The following WDR19 variants were observed in gnomAD, a reference collection of about 807,000 sequenced individuals.
The protein encoded by WDR19 is WD repeat-containing protein 19.
In WDR19, 121 loss-of-function variants were observed where a neutral mutation model predicts 180.0. That is an observed-to-expected ratio of 0.67 (90% CI 0.58 to 0.78). The LOEUF is 0.78. WDR19 is among the 30% of genes least tolerant of loss of function. WDR19 has a pLI of 0.00. For missense variants in WDR19, 1,450 were observed against 1,640.7 expected (o/e 0.88, Z 2.01); for synonymous variants, 497 against 540.7 (o/e 0.92, Z 1.12).
At chr4:39,194,731 T>C (rs1726540783) in intron 5 of WDR19, 72 bp downstream of exon 5, 2 of 1,215,402 alleles carry the variant, frequency 1.6e-6, no homozygotes, top group Non-Finnish European at 2.4e-6. Context: ...CCGCCTCAGG[T>C]TTCCCTGATC....
Position 39,257,650 on chromosome 4 carries a change from A to G in WDR19, c.3183+96A>G, listed in dbSNP as rs922759224. 5.4e-6 allele frequency: 6 copies of G among 1,112,944 alleles called. No homozygotes were observed. The South Asian group carries it at 5.7e-5, about 11-fold the overall frequency. 68.9% of individuals were successfully genotyped at this position (1,112,944 alleles called of 1,614,324 possible). ...TATATGCAGAAGTAGACCAAACAGT[A>G]TTACAAACCCCTACATACCTATCGT... is the stretch of plus-strand genomic sequence containing the variant. On this transcript the variant is annotated intron_variant, in intron 28 of 36. Transcript: ENST00000399820.
intron 14 of WDR19, 173 bp downstream of exon 14, chr4:39,218,278 T>C: frequency 1.2e-6 from 1 of 866,950 alleles, no homozygotes. Context: ...TGGGGATACA[T>C]TCTGAGAAAC....
chr4:39,232,099 TAAAA>T, intron 18 of WDR19, 59 bp from the exon 19 acceptor site: 3 of 1,299,634 alleles, frequency 2.3e-6, no homozygotes, highest in East Asian at 2.5e-5. Context: ...TCAAAGTCCT[TAAAA>T]AAAAAAAAAA....
At chr4:39,224,061 G>A (rs566401550) in intron 14 of WDR19, among the ~76,000 whole-genome samples, 1 of 152,250 alleles carries the variant, frequency 6.6e-6, no homozygotes, top group Non-Finnish European at 1.5e-5. Context: ...GGCATGTTAT[G>A]TTTAAGTTTA....
intron 17 of WDR19, among the ~76,000 whole-genome samples, chr4:39,231,315 CAAA>C (rs56002679): frequency 0.42 from 35,916 of 86,078 alleles, 4,379 homozygotes; most frequent in African/African-American, 0.44. Context: ...ACTCCGTCTT[CAAA>C]AAAAAAAAAA....
chr4:39,188,132 T>C (rs34070258), intron 3 of WDR19, among the ~76,000 whole-genome samples: 67,732 of 151,894 alleles, frequency 0.45, 18,510 homozygotes, highest in East Asian at 0.62. Context: ...AATTGTAAAG[T>C]TTTTTATAAT....
At chr4:39,251,455 G>A (rs1217419025) in intron 24 of WDR19, among the ~76,000 whole-genome samples, 3 of 151,320 alleles carry the variant, frequency 2.0e-5, no homozygotes, top group African/African-American at 7.3e-5. Flanking sequence ...GCATGGGCAA[G>A]GACTTCATGT....
intron 23 of WDR19, 34 bp downstream of exon 23, chr4:39,244,586 A>C (rs770518126): frequency 6.2e-7 from 1 of 1,612,918 alleles, no homozygotes; most frequent in Admixed American, 1.7e-5. Context: ...TCTGAACAGG[A>C]TTGGAAATGA....
At chr4:39,205,314 C>T in intron 8 of WDR19, 48 bp downstream of exon 8, 1 of 1,450,548 alleles carries the variant, frequency 6.9e-7, no homozygotes, top group South Asian at 1.3e-5. Context: ...TACAGAAGGA[C>T]ATCTGTAGGT....
intron 6 of WDR19, among the ~76,000 whole-genome samples, chr4:39,203,112 C>CTT (rs553565048): frequency 1.3e-4 from 17 of 135,652 alleles, no homozygotes; most frequent in African/African-American, 2.2e-4. Context: ...CTTTTTCTTT[C>CTT]TTTTTTTTTT....
In WDR19 at chr4:39,205,588, G is replaced by T; in HGVS notation, c.742G>T (p.Gly248Cys). 1 of 1,613,276 alleles carries T rather than the reference G, an allele frequency of 6.2e-7. No homozygotes were observed. Among genetic ancestry groups the T allele is most frequent in the Non-Finnish European group, 8.5e-7 (1 of 1,179,628 alleles). Residue 248 changes from glycine to cysteine, a missense_variant, in exon 9 of 37, where the codon GGT (glycine) becomes TGT (cysteine). Transcript: ENST00000399820. ...NWYGDGRIMI[G>C]FSCGHFVVIS... Reference sequence around the variant, plus strand: ...GTATGGTGATGGCCGCATCATGATTGGTTTTTCATGTGGACATTTTGTGGT... The same window carrying T: ...GTATGGTGATGGCCGCATCATGATTTGTTTTTCATGTGGACATTTTGTGGT...
chr4:39,268,225 T>C (rs1735003355), intron 30 of WDR19, 134 bp downstream of exon 30: 11 of 656,192 alleles, frequency 1.7e-5, no homozygotes, highest in Non-Finnish European at 2.7e-5. Context: ...ACTAAAGAGA[T>C]GACCATTTCT....
intron 20 of WDR19, among the ~76,000 whole-genome samples, chr4:39,238,147 T>C (rs375617551): frequency 6.6e-6 from 1 of 152,330 alleles, no homozygotes; most frequent in East Asian, 1.9e-4. Context: ...TTCCTTGTGA[T>C]AATAGGAACT....
chr4:39,216,725 T>C (rs1729107697), intron 12 of WDR19, among the ~76,000 whole-genome samples: 1 of 152,200 alleles, frequency 6.6e-6, no homozygotes, highest in Non-Finnish European at 1.5e-5. Flanking sequence ...AAACCTTGTT[T>C]TGTTTTTTCT....
At position 39,191,847 on chromosome 4, in the gene WDR19, T is replaced by G. The variant is rs141997981; in HGVS notation, c.290+2066T>G. 7.3e-3 allele frequency among the ~76,000 whole-genome samples: 1,105 copies of G among 152,340 alleles called. 6 individuals are homozygous for G. Among genetic ancestry groups the G allele is most frequent in the Non-Finnish European group, 0.011 (772 of 68,024 alleles). ...GCCTTATACATAGGTTGCAATTTTT[T>G]GTAACCTGTACATTTCCCTAGCATG... is the stretch of plus-strand genomic sequence containing the variant. On this transcript the variant is annotated intron_variant, in intron 4 of 36. Coordinates refer to ENST00000399820, the MANE Select transcript of WDR19 (RefSeq NM_025132.4).
chr4:39,224,893 G>T lies in WDR19; in HGVS notation c.1489G>T (p.Val497Phe). The T allele has an allele frequency of 1.3e-6, 2 of 1,497,336 alleles. No homozygotes were observed. The highest frequency in any genetic ancestry group is 1.4e-5 in the South Asian group (1 of 72,988). The allele number at this position is 1,497,336 out of a possible 1,614,324, so 92.8% of individuals were successfully genotyped here. The change falls in exon 15 of 37, where the codon GTT becomes TTT. Residue 497 changes from valine (V) to phenylalanine (F), a missense_variant. Coordinates refer to ENST00000399820, the MANE Select transcript of WDR19 (RefSeq NM_025132.4). ...FLIYGTDTGV[V>F]QYFYIEDWQF... ...TTTTTTTTTTTTTTAGACTGGTGTC[G>T]TTCAGTATTTCTACATTGAAGACTG...
At chr4:39,249,586 A>G (rs1262635930) in intron 24 of WDR19, among the ~76,000 whole-genome samples, 1 of 152,244 alleles carries the variant, frequency 6.6e-6, no homozygotes, top group Non-Finnish European at 1.5e-5. Flanking sequence ...AACAAAATTG[A>G]TAGACCACTA....
intron 19 of WDR19, among the ~76,000 whole-genome samples, chr4:39,233,026 T>C (rs995484892): frequency 1.3e-5 from 2 of 152,156 alleles, no homozygotes; most frequent in Non-Finnish European, 2.9e-5. Context: ...TGAGTGCTCA[T>C]GTGGGCCAGG....
At chr4:39,271,565 A>C (rs1158864467) in intron 31 of WDR19, among the ~76,000 whole-genome samples, 1 of 152,026 alleles carries the variant, frequency 6.6e-6, no homozygotes, top group Non-Finnish European at 1.5e-5. Flanking sequence ...CGAGACCTCA[A>C]CTCTAAAAAA....
Sources: allele counts gnomAD v4.1 joint callset (sites outside exome capture counted in the v4.1 genomes callset), GRCh38; gene constraint gnomAD v4.1.1; transcripts MANE v1.5; gene names NCBI Gene and HGNC (gene_info 2026-07-23, HGNC 2026-07-21).